The following TMEM222 variants were observed in gnomAD, a reference collection of about 807,000 sequenced individuals.
The protein encoded by TMEM222 is chromosome 1 open reading frame 160.
A neutral mutation model predicts 25.1 loss-of-function variants in TMEM222; 18 were observed. The observed-to-expected ratio is 0.72, with a 90% CI of 0.50 to 1.06. TMEM222 has a LOEUF of 1.06. Among genes scored for constraint, TMEM222 ranks in the 50% least tolerant of loss-of-function variants. The pLI is 0.00. For missense variants in TMEM222, 296 were observed against 293.7 expected, an observed-to-expected ratio of 1.01 and a Z score of -0.06; for synonymous variants, 131 against 117.9, an observed-to-expected ratio of 1.11 and a Z score of -0.72.
At chr1:27,335,088 G>A (rs1275296878) in intron 5 of TMEM222, 1 of 490,518 alleles carries the variant, frequency 2.0e-6, no homozygotes, top group Non-Finnish European at 3.7e-6. Flanking sequence ...TATAGATGGA[G>A]CCAGTGAGGC....
Position 27,335,391 on chromosome 1 carries a change from C to T in TMEM222, c.552C>T (p.Phe184=), listed in dbSNP as rs1441702141. Residue 184 remains phenylalanine, a synonymous_variant, in exon 6 of 6, where the codon TTC becomes TTT. Transcript: ENST00000374076. ...TTCTCTCTGTCAGCGTTGGGGCCTT[C>T]GTGAAGACCTGGCTGCCCTTCATCC... ...LYGKYVSVGA[F]VKTWLPFILL... is the part of the protein sequence containing the mutation. 4 of 1,614,206 alleles carry T rather than the reference C, an allele frequency of 2.5e-6. No individual in the cohort carries two copies. The highest frequency in any genetic ancestry group is 1.1e-5 in the South Asian group (1 of 91,090).
At position 27,334,360 on chromosome 1, in the gene TMEM222, G is replaced by T. The variant is rs2014555450; in HGVS notation, c.539+79G>T. On this transcript the variant is annotated intron_variant, in intron 5 of 5. Coordinates refer to ENST00000374076, the MANE Select transcript of TMEM222 (RefSeq NM_032125.3). The stretch of plus-strand genomic sequence containing the variant: ...AAGGATCCTAGAAAGACCATTCCTA[G>T]CGTCCTTCAGTCAGCCAGGACAGTT... 3.8e-6 allele frequency: 6 copies of T among 1,590,780 alleles called. No individual in the cohort carries two copies. The South Asian group carries it at 6.8e-5, about 18-fold the overall frequency.
rs1240777712 is a variant in TMEM222, at chr1:27,336,344, CTG to C, written c.*881_*882del. 6.6e-6 allele frequency: 1 copy of C among 152,398 alleles called. No homozygotes were observed. Among genetic ancestry groups the C allele is most frequent in the Admixed American group, 6.5e-5 (1 of 15,290 alleles). The allele number at this position is 152,398 out of a possible 1,614,324, so 9.4% of individuals were successfully genotyped here. A position where few individuals can be genotyped will look rare whatever the true frequency, so the allele number is the denominator to read the frequency against. Reference sequence around the variant, plus strand: ...GTGCCGCCCGCCTCGCCCCCCTGCTCTGTGGATTCCTTTGGGAAGGGCTCCCT... The same window carrying C: ...GTGCCGCCCGCCTCGCCCCCCTGCTCTGGATTCCTTTGGGAAGGGCTCCCT... On this transcript the variant is annotated 3_prime_UTR_variant, in exon 6 of 6. Coordinates refer to ENST00000374076, the MANE Select transcript of TMEM222 (RefSeq NM_032125.3).
chr1:27,325,532 C>A, intron 1 of TMEM222: 2 of 1,435,458 alleles, frequency 1.4e-6, no homozygotes, highest in Non-Finnish European at 2.0e-6. Context: ...GTGACGTAGA[C>A]ATCCGCAAAG....
chr1:27,331,950 C>CGGG, intron 2 of TMEM222, 120 bp from the exon 3 acceptor site: 1 of 767,074 alleles, frequency 1.3e-6, no homozygotes, highest in Non-Finnish European at 2.3e-6. Flanking sequence ...GGCCCCACTT[C>CGGG]TGGCCCCCCC....
intron 2 of TMEM222, chr1:27,331,159 C>A: frequency 8.8e-7 from 1 of 1,136,770 alleles, no homozygotes; most frequent in Non-Finnish European, 1.1e-6. Flanking sequence ...GGTGGGGGGA[C>A]ACGGGAGGCT....
At chr1:27,335,304 G>A in intron 5 of TMEM222, 75 bp from the exon 6 acceptor site, 1 of 1,449,440 alleles carries the variant, frequency 6.9e-7, no homozygotes, top group Non-Finnish European at 9.7e-7. Context: ...GGGGTCTGTG[G>A]GTGCTCAGGG....
chr1:27,324,394 T>C (rs1433119998), intron 1 of TMEM222, among the ~76,000 whole-genome samples: 2 of 152,256 alleles, frequency 1.3e-5, no homozygotes, highest in South Asian at 2.1e-4. Flanking sequence ...TGTCTTGTGA[T>C]CCTAAACTCT....
At chr1:27,332,440 C>T in intron 3 of TMEM222, 1 of 718,096 alleles carries the variant, frequency 1.4e-6, no homozygotes, top group Non-Finnish European at 2.6e-6. Context: ...GATCTGTCTC[C>T]CTCTAGACTC....
At chr1:27,334,698 C>T (rs1318099479) in intron 5 of TMEM222, 4 of 1,363,418 alleles carry the variant, frequency 2.9e-6, no homozygotes, top group Admixed American at 4.8e-5. Flanking sequence ...TTGAGTGAGT[C>T]GCCCATGGTC....
chr1:27,323,506 G>A (rs559028485), intron 1 of TMEM222, among the ~76,000 whole-genome samples: 1 of 152,312 alleles, frequency 6.6e-6, no homozygotes, highest in African/African-American at 2.4e-5. Context: ...TGGGACAGGC[G>A]CGGTGGCTCA....
chr1:27,322,292 C>G lies in TMEM222; in HGVS notation c.95C>G (p.Thr32Arg). The G allele has an allele frequency of 6.4e-7, 1 of 1,561,832 alleles. No homozygotes were observed. The highest frequency in any genetic ancestry group is 8.7e-7 in the Non-Finnish European group (1 of 1,151,850). Reference protein sequence around the residue: ...AEVEAPTAAETDMKQYQGSGG... With the variant: ...AEVEAPTAAERDMKQYQGSGG... ...GTGGAGGCGCCGACGGCGGCCGAGA[C>G]GGACATGAAGCAATATCAAGGCTCC... Residue 32 changes from threonine (T) to arginine (R), a missense_variant, in exon 1 of 6, where the codon ACG becomes AGG. By Grantham distance (71) the Thr-to-Arg change is moderately conservative. Coordinates refer to ENST00000374076, the MANE Select transcript of TMEM222 (RefSeq NM_032125.3).
At chr1:27,325,662 C>A in intron 1 of TMEM222, 1 of 834,900 alleles carries the variant, frequency 1.2e-6, no homozygotes. Flanking sequence ...GCTCATTGTG[C>A]CCCCAGAGTG....
rs559922606 is a variant in TMEM222, at chr1:27,335,658, A to G, written c.*192A>G. On this transcript the variant is annotated 3_prime_UTR_variant, in exon 6 of 6. Transcript: ENST00000374076. ...GGGGTTTGTTGTCTCCCTGCCTCTC[A>G]GAAGCACCCTGTCCCCTCCTCCCCA... 3 of 611,612 alleles carry G rather than the reference A, an allele frequency of 4.9e-6. No individual in the cohort carries two copies. In the East Asian group the frequency reaches 8.3e-5, roughly 17 times the overall value. 37.9% of individuals were successfully genotyped at this position (611,612 alleles called of 1,614,324 possible). A position where few individuals can be genotyped will look rare whatever the true frequency, so the allele number is the denominator to read the frequency against.
At chr1:27,333,767 A>C in intron 3 of TMEM222, 191 bp from the exon 4 acceptor site, 1 of 593,610 alleles carries the variant, frequency 1.7e-6, no homozygotes. Context: ...TCCCCCCAGG[A>C]TCCCCCATGG....
chr1:27,332,443 CTA>C lies in TMEM222; in HGVS notation c.311+343_311+344del, dbSNP rs1327431643. ...GACCCACACCCAGATCTGTCTCCCT[CTA>C]GACTCACTCTCCTGCCCTTTGGGAA... On this transcript the variant is annotated intron_variant, in intron 3 of 5. Coordinates refer to ENST00000374076, the MANE Select transcript of TMEM222 (RefSeq NM_032125.3). The C allele has an allele frequency of 4.2e-6, 3 of 718,120 alleles. No homozygotes were observed. The African/African-American group carries it at 5.2e-5, about 13-fold the overall frequency. The allele number at this position is 718,120 out of a possible 1,614,324, so 44.5% of individuals were successfully genotyped here. A position where few individuals can be genotyped will look rare whatever the true frequency, so the allele number is the denominator to read the frequency against.
At chr1:27,324,149 A>G (rs1431041849) in intron 1 of TMEM222, among the ~76,000 whole-genome samples, 1 of 152,164 alleles carries the variant, frequency 6.6e-6, no homozygotes, top group Non-Finnish European at 1.5e-5. Flanking sequence ...AACATGGAGA[A>G]ACCCCATCTC....
Position 27,335,435 on chromosome 1 carries a change from TC to T in TMEM222, c.597del (p.Thr200ProfsTer85). On this transcript the variant is annotated frameshift_variant, in exon 6 of 6. Coordinates refer to ENST00000374076, the MANE Select transcript of TMEM222 (RefSeq NM_032125.3). LOFTEE classifies it high-confidence loss of function. ...LPFILLLGIILTVSLVFNLR is the reference protein window; with the variant it reads ...LPFILLLGIIXTVSLVFNLR ...TTCATCCTTCTCCTGGGCATCATCC[TC>T]ACCGTCAGCCTGGTCTTTAACCTCC... 6.2e-7 allele frequency: 1 copy of T among 1,614,230 alleles called. No individual in the cohort carries two copies. Among genetic ancestry groups the T allele is most frequent in the South Asian group, 1.1e-5 (1 of 91,084 alleles).
intron 1 of TMEM222, among the ~76,000 whole-genome samples, chr1:27,330,121 G>A (rs1041207727): frequency 1.3e-5 from 2 of 151,482 alleles, no homozygotes; most frequent in African/African-American, 2.4e-5. Flanking sequence ...ATGGTAGGCC[G>A]GGTGCAGTGG....
Sources: allele counts gnomAD v4.1 joint callset (sites outside exome capture counted in the v4.1 genomes callset), GRCh38; gene constraint gnomAD v4.1.1; transcripts MANE v1.5; gene names NCBI Gene and HGNC (gene_info 2026-07-23, HGNC 2026-07-21).